GLIS3: variants seen among roughly 807,000 people sequenced by gnomAD.
GLIS3 encodes GLIS family zinc finger 3, also known as zinc finger protein GLIS3.
Under a neutral mutation model 78.6 loss-of-function variants are expected in GLIS3, and 53 were observed. The observed-to-expected ratio is 0.67, with a 90% CI of 0.54 to 0.85. The LOEUF is 0.85. Among genes scored for constraint, GLIS3 ranks in the 40% least tolerant of loss-of-function variants. The pLI, the probability that GLIS3 is intolerant of heterozygous loss-of-function variation, is 0.00. For synonymous variants in GLIS3, 684 were observed against 509.9 expected (o/e 1.34, Z -4.60); for missense variants, 1,703 against 1,231.1 (o/e 1.38, Z -5.74).
At chr9:4,323,678 G>A (rs1371047790) in intron 2 of GLIS3, among the ~76,000 whole-genome samples, 1 of 152,088 alleles carries the variant, frequency 6.6e-6, no homozygotes, top group African/African-American at 2.4e-5. Context: ...TGTCTCCTCT[G>A]TGGTCATTAC....
At chr9:4,484,913 G>A in the GLIS3 span, among the ~76,000 whole-genome samples, 4 of 151,078 alleles carry the variant, frequency 2.6e-5, no homozygotes, top group African/African-American at 9.8e-5. Flanking sequence ...CCAACCATCG[G>A]TCCAGAGGAC....
chr9:4,404,384 T>A, the GLIS3 span, among the ~76,000 whole-genome samples: 1 of 152,160 alleles, frequency 6.6e-6, no homozygotes, highest in Non-Finnish European at 1.5e-5. Context: ...TAATGAGTAG[T>A]CACAAAACAT....
chr9:4,485,029 G>T, the GLIS3 span, among the ~76,000 whole-genome samples: 8 of 147,108 alleles, frequency 5.4e-5, no homozygotes, highest in African/African-American at 2.0e-4. Context: ...TGGGGGTGGT[G>T]GGGGGACAGG....
intron 2 of GLIS3, among the ~76,000 whole-genome samples, chr9:4,215,913 T>G (rs117150291): frequency 6.6e-6 from 1 of 152,140 alleles, no homozygotes; most frequent in African/African-American, 2.4e-5. Context: ...GGGAAAGACA[T>G]TTAAGAATTT....
At chr9:4,457,020 A>G in the GLIS3 span, among the ~76,000 whole-genome samples, 1 of 152,210 alleles carries the variant, frequency 6.6e-6, no homozygotes, top group East Asian at 1.9e-4. Context: ...AAATGACACC[A>G]GTAGACTTGC....
the GLIS3 span, among the ~76,000 whole-genome samples, chr9:4,453,088 CT>C: frequency 6.6e-6 from 1 of 152,048 alleles, no homozygotes; most frequent in African/African-American, 2.4e-5. Context: ...TATCATGGTG[CT>C]AGGAAAACTG....
chr9:4,477,093 TCAAA>T, the GLIS3 span, among the ~76,000 whole-genome samples: 6 of 152,118 alleles, frequency 3.9e-5, no homozygotes, highest in African/African-American at 1.4e-4. Flanking sequence ...AAGCAGGGAC[TCAAA>T]CAAATACTTG....
intron 4 of GLIS3, among the ~76,000 whole-genome samples, chr9:3,992,531 T>A (rs1250470387): frequency 2.6e-5 from 4 of 152,240 alleles, no homozygotes; most frequent in African/African-American, 9.6e-5. Context: ...GATGGTTGTT[T>A]ATGAGATAGA....
chr9:4,095,389 G>A (rs1829859419), intron 4 of GLIS3, among the ~76,000 whole-genome samples: 1 of 152,160 alleles, frequency 6.6e-6, no homozygotes, highest in African/African-American at 2.4e-5. Context: ...CAAATTATAT[G>A]TACTATAACT....
chr9:4,475,709 T>A, the GLIS3 span, among the ~76,000 whole-genome samples: 1 of 152,200 alleles, frequency 6.6e-6, no homozygotes, highest in Non-Finnish European at 1.5e-5. Flanking sequence ...AGAACAGGGC[T>A]TGTAAGCTGC....
rs147548328 is a variant in GLIS3 at position 3,859,297 on chromosome 9, C to G, written c.2298-3113G>C. On this transcript the variant is annotated intron_variant, in intron 8 of 10. Transcript: ENST00000381971. The stretch of plus-strand genomic sequence containing the variant: ...ATTGTTGGAGGCAGGATGGGGAACT[C>G]AGAACCCCATTTTCTAAGTGTCTGC... 1.1e-4 allele frequency among the ~76,000 whole-genome samples: 16 copies of G among 150,102 alleles called. No individual in the cohort carries two copies. The East Asian group carries it at 2.6e-3, about 25-fold the overall frequency.
intron 6 of GLIS3, among the ~76,000 whole-genome samples, chr9:3,912,343 G>C (rs1824210777): frequency 6.6e-6 from 1 of 152,114 alleles, no homozygotes; most frequent in African/African-American, 2.4e-5. Flanking sequence ...AGGATGCATA[G>C]CGCCCTGGAA....
At chr9:4,215,590 T>C (rs1298896603) in intron 2 of GLIS3, among the ~76,000 whole-genome samples, 2 of 152,230 alleles carry the variant, frequency 1.3e-5, no homozygotes. Flanking sequence ...GGAGCTTCAC[T>C]ATAATGCTAT....
chr9:4,225,583 G>C (rs898913702), intron 2 of GLIS3, among the ~76,000 whole-genome samples: 3 of 152,140 alleles, frequency 2.0e-5, no homozygotes, highest in African/African-American at 7.2e-5. Flanking sequence ...AAACCATTTA[G>C]TAGTAGAAGA....
At chr9:4,396,691 C>A in the GLIS3 span, among the ~76,000 whole-genome samples, 6 of 152,166 alleles carry the variant, frequency 3.9e-5, no homozygotes, top group African/African-American at 1.4e-4. Context: ...AGTAGCCCCT[C>A]CTTAGAATGA....
chr9:4,088,095 C>A (rs951125666), intron 4 of GLIS3, among the ~76,000 whole-genome samples: 13 of 152,180 alleles, frequency 8.5e-5, no homozygotes, highest in Admixed American at 3.9e-4. Flanking sequence ...CTGGGTTTGT[C>A]TTCAACCCCA....
At chr9:3,834,521 G>T (rs1227852050) in intron 9 of GLIS3, among the ~76,000 whole-genome samples, 1 of 152,048 alleles carries the variant, frequency 6.6e-6, no homozygotes, top group Non-Finnish European at 1.5e-5. Flanking sequence ...CATGGCTATT[G>T]TACCTGACAG....
chr9:3,893,947 T>G (rs113762079), intron 7 of GLIS3, among the ~76,000 whole-genome samples: 2 of 152,168 alleles, frequency 1.3e-5, no homozygotes, highest in Non-Finnish European at 2.9e-5. Flanking sequence ...CAGAGAAGTA[T>G]GAAGCTTGCT....
chr9:4,261,850 G>C (rs1423142215), intron 2 of GLIS3, among the ~76,000 whole-genome samples: 1 of 152,072 alleles, frequency 6.6e-6, no homozygotes, highest in African/African-American at 2.4e-5. Context: ...CTCTTGCTAT[G>C]AACAGATATG....
Sources: allele counts gnomAD v4.1 joint callset (sites outside exome capture counted in the v4.1 genomes callset), GRCh38; gene constraint gnomAD v4.1.1; transcripts MANE v1.5; gene names NCBI Gene and HGNC (gene_info 2026-07-23, HGNC 2026-07-21).